Variants in SLC22A25 observed in about 807,000 individuals in gnomAD.
SLC22A25 encodes the protein MGI:2442751, MGI:2385316, MGI:3042283, MGI:3645714, MGI:3605624, MGI:2442750.
A neutral mutation model predicts 45.9 loss-of-function variants in SLC22A25; 44 were observed. That is an observed-to-expected ratio of 0.96 (90% CI 0.75 to 1.23). The LOEUF (loss-of-function observed/expected upper bound fraction) is 1.23. Among genes scored for constraint, SLC22A25 ranks in the 50% most tolerant of loss-of-function variants. The pLI, the probability that SLC22A25 is intolerant of heterozygous loss-of-function variation, is 0.00. For missense variants in SLC22A25, 800 were observed against 666.4 expected (o/e 1.20, Z -2.21); for synonymous variants, 283 against 238.6 (o/e 1.19, Z -1.72).
At chr11:63,228,370 A>T in intron 5 of SLC22A25, 91 bp downstream of exon 5, 1 of 994,556 alleles carries the variant, frequency 1.0e-6, no homozygotes, top group Non-Finnish European at 1.5e-6. Flanking sequence ...GCAACAGGAT[A>T]GTGTGATTTC....
intron 9 of SLC22A25, among the ~76,000 whole-genome samples, chr11:63,170,052 C>T: frequency 6.6e-6 from 1 of 152,228 alleles, no homozygotes; most frequent in East Asian, 1.9e-4. Flanking sequence ...GAACAACCTG[C>T]TCCTGAATGA....
intron 7 of SLC22A25, among the ~76,000 whole-genome samples, chr11:63,184,262 C>A (rs116840161): frequency 6.6e-6 from 1 of 152,118 alleles, no homozygotes; most frequent in African/African-American, 2.4e-5. Context: ...ATGACCAAAA[C>A]TGGATATATT....
intron 5 of SLC22A25, among the ~76,000 whole-genome samples, chr11:63,225,317 C>G (rs2089937512): frequency 6.6e-6 from 1 of 151,578 alleles, no homozygotes; most frequent in African/African-American, 2.4e-5. Flanking sequence ...TAGGACAGGT[C>G]TGGTGTTGAT....
At chr11:63,189,158 C>T (rs2088690055) in intron 7 of SLC22A25, among the ~76,000 whole-genome samples, 1 of 152,062 alleles carries the variant, frequency 6.6e-6, no homozygotes, top group Admixed American at 6.6e-5. Context: ...TAAAGTCTCC[C>T]ATTATTATTG....
At chr11:63,181,582 A>G (rs528706817) in intron 8 of SLC22A25, among the ~76,000 whole-genome samples, 279 of 152,182 alleles carry the variant, frequency 1.8e-3, no homozygotes, top group African/African-American at 6.4e-3. Context: ...AAGTTTCAAC[A>G]GGGATAATCT....
intron 5 of SLC22A25, among the ~76,000 whole-genome samples, chr11:63,225,310 G>A (rs559532956): frequency 2.8e-4 from 42 of 151,658 alleles, no homozygotes; most frequent in South Asian, 2.7e-3. Flanking sequence ...TTTCTTGTAG[G>A]ACAGGTCTGG....
intron 7 of SLC22A25, among the ~76,000 whole-genome samples, chr11:63,198,299 C>T (rs2089124859): frequency 6.6e-6 from 1 of 152,248 alleles, no homozygotes; most frequent in Non-Finnish European, 1.5e-5. Flanking sequence ...GCACTATTCA[C>T]AATAGCAAAG....
chr11:63,166,967 A>G, intron 9 of SLC22A25: 1 of 597,260 alleles, frequency 1.7e-6, no homozygotes, highest in East Asian at 1.4e-4. Flanking sequence ...TGCATTTCCA[A>G]CTGAGGTACC....
intron 5 of SLC22A25, among the ~76,000 whole-genome samples, chr11:63,227,417 C>A (rs1383605240): frequency 6.6e-6 from 1 of 152,114 alleles, no homozygotes; most frequent in Non-Finnish European, 1.5e-5. Flanking sequence ...CCTTCTGGCC[C>A]AGGGTGTGTC....
chr11:63,242,037 T>C (rs2090257180), intron 1 of SLC22A25, among the ~76,000 whole-genome samples: 1 of 152,192 alleles, frequency 6.6e-6, no homozygotes, highest in Non-Finnish European at 1.5e-5. Flanking sequence ...TGGAGATATT[T>C]TGGGTGTGGC....
rs565018382 is a variant in SLC22A25, at chr11:63,161,726, A to G, written c.*2098T>C. On this transcript the variant is annotated 3_prime_UTR_variant, in exon 12 of 12. Transcript: ENST00000306494. Reference sequence around the variant, plus strand: ...AGTCCATTAAACCTCTTTCCTTTGTAAATTATCCAGTCTCAGGTATGTTTT... The same window carrying G: ...AGTCCATTAAACCTCTTTCCTTTGTGAATTATCCAGTCTCAGGTATGTTTT... Among the ~76,000 whole-genome samples, 3 of 152,224 alleles carry G rather than the reference A, an allele frequency of 2.0e-5. No homozygotes were observed. The highest frequency in any genetic ancestry group is 4.4e-5 in the Non-Finnish European group (3 of 68,036).
Position 63,163,975 on chromosome 11 carries a change from C to A in SLC22A25, c.1493G>T (p.Trp498Leu), listed in dbSNP as rs765779543. 1.2e-6 allele frequency: 2 copies of A among 1,613,742 alleles called. No homozygotes were observed. The highest frequency in any genetic ancestry group is 3.3e-5 in the Admixed American group (2 of 59,972). ...GATGGCAAAGACTCCATAGATGATCCAGGGCAGGGGTCGAGAATATATGCT... is the reference window on the plus strand; with the variant it reads ...GATGGCAAAGACTCCATAGATGATCAAGGGCAGGGGTCGAGAATATATGCT... Reference protein sequence around the residue: ...ILSIYSRPLPWIIYGVFAILS... With the variant: ...ILSIYSRPLPLIIYGVFAILS... The change falls in exon 12 of 12, where the codon TGG becomes TTG. Residue 498 changes from tryptophan to leucine, a missense_variant. Physicochemically the swap from Trp to Leu is moderately conservative, Grantham distance 61. Coordinates refer to ENST00000306494, the MANE Select transcript of SLC22A25 (RefSeq NM_199352.6).
intron 9 of SLC22A25, among the ~76,000 whole-genome samples, chr11:63,179,541 T>C (rs931792348): frequency 5.9e-5 from 9 of 152,114 alleles, no homozygotes; most frequent in Non-Finnish European, 1.2e-4. Context: ...GAACTGGCAA[T>C]CTCTTGCTTT....
At chr11:63,189,953 G>C (rs139543633) in intron 7 of SLC22A25, among the ~76,000 whole-genome samples, 19,346 of 151,934 alleles carry the variant, frequency 0.13, 2,306 homozygotes, top group African/African-American at 0.32. Flanking sequence ...GGTAACCCAA[G>C]CTTTCTGTCT....
chr11:63,173,832 G>A (rs1052186296), intron 9 of SLC22A25, among the ~76,000 whole-genome samples: 2 of 151,674 alleles, frequency 1.3e-5, no homozygotes, highest in Non-Finnish European at 2.9e-5. Flanking sequence ...CTTTTGTTCA[G>A]TGCATTGAAT....
intron 7 of SLC22A25, among the ~76,000 whole-genome samples, chr11:63,201,685 G>T (rs1329563972): frequency 6.6e-6 from 1 of 152,118 alleles, no homozygotes; most frequent in Non-Finnish European, 1.5e-5. Flanking sequence ...AAGAGCTTTT[G>T]CACAGTAAAA....
chr11:63,233,046 T>C (rs2090098856), intron 3 of SLC22A25, among the ~76,000 whole-genome samples: 1 of 152,164 alleles, frequency 6.6e-6, no homozygotes, highest in African/African-American at 2.4e-5. Context: ...CAGTATTTTA[T>C]TGAGGATTTT....
intron 7 of SLC22A25, among the ~76,000 whole-genome samples, chr11:63,209,947 G>A (rs1196141397): frequency 6.6e-6 from 1 of 152,184 alleles, no homozygotes; most frequent in East Asian, 1.9e-4. Context: ...AATGAGGCAA[G>A]GGACATGGAA....
At chr11:63,193,047 CAT>C (rs929344411) in intron 7 of SLC22A25, among the ~76,000 whole-genome samples, 5 of 152,202 alleles carry the variant, frequency 3.3e-5, no homozygotes, top group Non-Finnish European at 5.9e-5. Context: ...CTCATTGCCA[CAT>C]GTCACATATT....
Sources: allele counts gnomAD v4.1 joint callset (sites outside exome capture counted in the v4.1 genomes callset), GRCh38; gene constraint gnomAD v4.1.1; transcripts MANE v1.5; gene names NCBI Gene and HGNC (gene_info 2026-07-23, HGNC 2026-07-21).